Variants in DOCK4 observed in about 807,000 individuals in gnomAD.
DOCK4 encodes the protein dedicator of cytokinesis protein 4.
Under a neutral mutation model 268.1 loss-of-function variants are expected in DOCK4, and 97 were observed. That is an observed-to-expected ratio of 0.36 (90% CI 0.31 to 0.43). DOCK4 has a LOEUF of 0.43. Ranked by LOEUF, DOCK4 falls within the 20% of genes least tolerant of loss-of-function variation. The probability of loss-of-function intolerance (pLI) is 1.00; values close to 1 mark genes in which losing one functional copy is unlikely to be tolerated. For synonymous variants in DOCK4, 954 were observed against 887.2 expected (o/e 1.08, Z -1.34); for missense variants, 2,145 against 2,455.7 (o/e 0.87, Z 2.67).
intron 15 of DOCK4, among the ~76,000 whole-genome samples, chr7:111,897,994 A>G (rs1808904910): frequency 6.6e-6 from 1 of 152,194 alleles, no homozygotes; most frequent in Non-Finnish European, 1.5e-5. Context: ...GTAATGCAGA[A>G]CACTTTAAAT....
intron 1 of DOCK4, among the ~76,000 whole-genome samples, chr7:112,205,557 C>A (rs933788468): frequency 1.3e-5 from 2 of 152,090 alleles, no homozygotes; most frequent in African/African-American, 2.4e-5. Flanking sequence ...CTTGTCAGAG[C>A]GGCTCTCTCC....
intron 16 of DOCK4, among the ~76,000 whole-genome samples, chr7:111,889,848 T>C (rs927518071): frequency 1.3e-5 from 2 of 152,180 alleles, no homozygotes; most frequent in African/African-American, 4.8e-5. Context: ...TTGAATGCCT[T>C]GGATTAGGAA....
At chr7:112,176,375 G>T (rs1445019690) in intron 1 of DOCK4, among the ~76,000 whole-genome samples, 1 of 152,084 alleles carries the variant, frequency 6.6e-6, no homozygotes, top group Non-Finnish European at 1.5e-5. Flanking sequence ...CCGTCTACAG[G>T]TCTCCACTTG....
intron 1 of DOCK4, among the ~76,000 whole-genome samples, chr7:112,012,888 T>G (rs777725031): frequency 6.6e-6 from 1 of 152,052 alleles, no homozygotes; most frequent in Non-Finnish European, 1.5e-5. Context: ...ACAAAACATA[T>G]AACACAGTAG....
chr7:112,039,600 C>T (rs537476184), intron 1 of DOCK4, among the ~76,000 whole-genome samples: 5 of 152,100 alleles, frequency 3.3e-5, no homozygotes, highest in Non-Finnish European at 5.9e-5. Context: ...ACTTGCCCCC[C>T]GAGCCAGCTT....
At chr7:111,852,035 C>T (rs546901637) in intron 23 of DOCK4, among the ~76,000 whole-genome samples, 73 of 148,870 alleles carry the variant, frequency 4.9e-4, no homozygotes, top group African/African-American at 1.8e-3. Flanking sequence ...ACGATCTCGG[C>T]TCACTGCAAC....
intron 1 of DOCK4, among the ~76,000 whole-genome samples, chr7:112,143,940 T>C (rs1222983143): frequency 6.6e-6 from 1 of 152,252 alleles, no homozygotes; most frequent in Non-Finnish European, 1.5e-5. Flanking sequence ...ACACGGATTG[T>C]AAACTTTTCA....
intron 30 of DOCK4, among the ~76,000 whole-genome samples, chr7:111,800,514 A>G (rs934132371): frequency 2.0e-5 from 3 of 152,152 alleles, no homozygotes; most frequent in African/African-American, 4.8e-5. Flanking sequence ...CTGGTAATGT[A>G]CAGCGACATC....
At chr7:112,114,964 T>G (rs1811993782) in intron 1 of DOCK4, among the ~76,000 whole-genome samples, 1 of 152,204 alleles carries the variant, frequency 6.6e-6, no homozygotes, top group Non-Finnish European at 1.5e-5. Flanking sequence ...AGACTCCACC[T>G]TGAGAGCACC....
At chr7:112,043,510 C>T (rs1284034117) in intron 1 of DOCK4, among the ~76,000 whole-genome samples, 1 of 150,506 alleles carries the variant, frequency 6.6e-6, no homozygotes, top group Non-Finnish European at 1.5e-5. Flanking sequence ...ATTAAAAAGA[C>T]ATCCATAAAG....
At chr7:112,143,442 T>C (rs916541903) in intron 1 of DOCK4, among the ~76,000 whole-genome samples, 2 of 152,300 alleles carry the variant, frequency 1.3e-5, no homozygotes, top group East Asian at 3.9e-4. Context: ...GTCATTTAAA[T>C]TGAAAAGGCA....
chr7:112,135,309 T>G (rs991128962), intron 1 of DOCK4, among the ~76,000 whole-genome samples: 1 of 152,168 alleles, frequency 6.6e-6, no homozygotes, highest in Non-Finnish European at 1.5e-5. Flanking sequence ...TATTTACGCT[T>G]TACCTTTTTA....
chr7:111,937,699 T>G (rs1272842227), intron 11 of DOCK4, among the ~76,000 whole-genome samples: 2 of 152,220 alleles, frequency 1.3e-5, no homozygotes, highest in African/African-American at 4.8e-5. Context: ...AACAGCAGCA[T>G]CATCACCTTA....
At position 112,199,880 on chromosome 7, in the gene DOCK4, A is replaced by G. The variant is rs12673821; in HGVS notation, c.37+6222T>C. On this transcript the variant is annotated intron_variant, in intron 1 of 52. Coordinates refer to ENST00000428084, the MANE Select transcript of DOCK4 (RefSeq NM_001363540.2). ...CCTGGTAGGAAGACATACAAGTACT[A>G]AAAGAGAAAACTTACGCAATGCATG... is the stretch of plus-strand genomic sequence containing the variant. Among the ~76,000 whole-genome samples, 211 of 152,354 alleles carry G rather than the reference A, an allele frequency of 1.4e-3. 2 individuals are homozygous for G. The East Asian group carries it at 0.038, about 27-fold the overall frequency.
intron 26 of DOCK4, among the ~76,000 whole-genome samples, chr7:111,824,535 G>GGA (rs1802250365): frequency 6.6e-6 from 1 of 152,082 alleles, no homozygotes; most frequent in Non-Finnish European, 1.5e-5. Context: ...ACTGGAAACT[G>GGA]GAGGCAGCAC....
At chr7:111,848,042 G>A (rs1353501572) in intron 23 of DOCK4, among the ~76,000 whole-genome samples, 1 of 152,050 alleles carries the variant, frequency 6.6e-6, no homozygotes, top group Non-Finnish European at 1.5e-5. Flanking sequence ...TATGTAACTC[G>A]CCTTGACCCT....
intron 1 of DOCK4, among the ~76,000 whole-genome samples, chr7:112,145,200 A>G (rs1451117790): frequency 2.0e-5 from 3 of 152,152 alleles, no homozygotes; most frequent in Non-Finnish European, 2.9e-5. Context: ...GCAAATGTGA[A>G]TCAAAGACAA....
intron 1 of DOCK4, among the ~76,000 whole-genome samples, chr7:112,090,891 A>G (rs998679736): frequency 4.6e-5 from 7 of 152,148 alleles, no homozygotes; most frequent in African/African-American, 1.7e-4. Context: ...TCAAAGAGCT[A>G]GAAGTGGCAG....
Position 111,933,290 on chromosome 7 carries a change from A to G in DOCK4, c.1066+2250T>C, listed in dbSNP as rs1586418143. ...TATATACATATATACATATATATAT[A>G]TATATATATTTTTTTTTTTTTTTGA... On this transcript the variant is annotated intron_variant, in intron 12 of 52. Coordinates refer to ENST00000428084, the MANE Select transcript of DOCK4 (RefSeq NM_001363540.2). Among the ~76,000 whole-genome samples the G allele has an allele frequency of 2.6e-5, 3 of 117,186 alleles. 1 individual carries two copies. The highest frequency in any genetic ancestry group is 2.5e-4 in the Admixed American group (3 of 11,976). The allele number at this position is 117,186 out of a possible 152,430, so 76.9% of individuals were successfully genotyped here. A position where few individuals can be genotyped will look rare whatever the true frequency, so the allele number is the denominator to read the frequency against.
Sources: allele counts gnomAD v4.1 joint callset (sites outside exome capture counted in the v4.1 genomes callset), GRCh38; gene constraint gnomAD v4.1.1; transcripts MANE v1.5; gene names NCBI Gene and HGNC (gene_info 2026-07-23, HGNC 2026-07-21).